The following GPALPP1 variants were observed in gnomAD, a reference collection of about 807,000 sequenced individuals.
The protein encoded by GPALPP1 is GPALPP motifs containing 1, also known as GPALPP motifs-containing protein 1.
In GPALPP1, 30 loss-of-function variants were observed where a neutral mutation model predicts 38.9. That is an observed-to-expected ratio of 0.77 (90% CI 0.58 to 1.05). The LOEUF is 1.05. Ranked by LOEUF, GPALPP1 falls within the 50% of genes least tolerant of loss-of-function variation. GPALPP1 has a pLI of 0.00. For synonymous variants in GPALPP1, 120 were observed against 139.2 expected (o/e 0.86, Z 0.97); for missense variants, 384 against 408.8 (o/e 0.94, Z 0.52).
intron 7 of GPALPP1, 79 bp from the exon 8 acceptor site, chr13:45,027,706 A>G: frequency 1.6e-6 from 1 of 639,942 alleles, no homozygotes; most frequent in Non-Finnish European, 2.6e-6. Context: ...ATTACTATCT[A>G]TTCCGTTTCA....
Position 45,006,262 on chromosome 13 carries a change from C to T in GPALPP1, c.282C>T (p.Ala94=). The stretch of plus-strand genomic sequence containing the variant: ...ATGATGATGGGTTTTTTGGACCAGC[C>T]CTTCCTCCTGGATTTAAAAAGCAGG... ...DDDDDGFFGP[A]LPPGFKKQDD... Residue 94 remains alanine, a synonymous_variant, in exon 3 of 8, where the codon GCC becomes GCT. Coordinates refer to ENST00000379151, the MANE Select transcript of GPALPP1 (RefSeq NM_018559.5). 6.2e-7 allele frequency: 1 copy of T among 1,607,990 alleles called. No homozygotes were observed. Among genetic ancestry groups the T allele is most frequent in the Non-Finnish European group, 8.5e-7 (1 of 1,175,810 alleles).
intron 6 of GPALPP1, among the ~76,000 whole-genome samples, chr13:45,019,048 A>AC (rs1566082051): frequency 4.7e-4 from 7 of 14,940 alleles, no homozygotes; most frequent in Non-Finnish European, 1.5e-3. Flanking sequence ...GAAATATATA[A>AC]ATATAAATAT....
chr13:44,994,394 A>C (rs1379218679), intron 1 of GPALPP1, among the ~76,000 whole-genome samples: 4 of 151,816 alleles, frequency 2.6e-5, no homozygotes, highest in African/African-American at 9.7e-5. Context: ...ACCAGCCTCA[A>C]CGTGGAGAAA....
chr13:45,006,161 T>C (rs2137972740), intron 2 of GPALPP1, 41 bp from the exon 3 acceptor site: 1 of 1,171,636 alleles, frequency 8.5e-7, no homozygotes, highest in South Asian at 1.4e-5. Flanking sequence ...GTGAAAAAAA[T>C]TTTGACATAT....
intron 7 of GPALPP1, among the ~76,000 whole-genome samples, chr13:45,025,029 C>T (rs937935196): frequency 4.0e-5 from 6 of 151,730 alleles, no homozygotes; most frequent in Non-Finnish European, 7.4e-5. Context: ...AGGTTTCATA[C>T]AATGTGTACT....
intron 7 of GPALPP1, among the ~76,000 whole-genome samples, chr13:45,027,063 T>C (rs1875882798): frequency 6.6e-6 from 1 of 152,146 alleles, no homozygotes; most frequent in Admixed American, 6.6e-5. Flanking sequence ...TAGACTCTAC[T>C]CTCTGTAGCA....
rs1388744517 is a variant in GPALPP1 at position 45,029,128 on chromosome 13, G to T, written c.*1125G>T. 2.0e-5 allele frequency: 3 copies of T among 152,076 alleles called. No individual in the cohort carries two copies. Among genetic ancestry groups the T allele is most frequent in the African/African-American group, 7.2e-5 (3 of 41,436 alleles). The allele number at this position is 152,076 out of a possible 1,614,324, so 9.4% of individuals were successfully genotyped here. Reference sequence around the variant, plus strand: ...TGAGGTTGCTTCTTAATATCTTTATGATTTTTAATTGTATTAAACCTATAT... The same window carrying T: ...TGAGGTTGCTTCTTAATATCTTTATTATTTTTAATTGTATTAAACCTATAT... On this transcript the variant is annotated 3_prime_UTR_variant, in exon 8 of 8. Coordinates refer to ENST00000379151, the MANE Select transcript of GPALPP1 (RefSeq NM_018559.5).
chr13:45,013,130 G>A (rs1370421866), intron 4 of GPALPP1, among the ~76,000 whole-genome samples: 1 of 152,204 alleles, frequency 6.6e-6, no homozygotes, highest in Non-Finnish European at 1.5e-5. Flanking sequence ...AAGAGGTCAA[G>A]AGGTAAGATC....
In GPALPP1 at chr13:45,006,220, GGAT is replaced by G. The variant is rs760837403; in HGVS notation, c.246_248del (p.Asp88del). The G allele has an allele frequency of 1.9e-6, 3 of 1,606,730 alleles. No homozygotes were observed. Among genetic ancestry groups the G allele is most frequent in the East Asian group, 4.5e-5 (2 of 44,798 alleles). On this transcript the variant is annotated inframe_deletion, in exon 3 of 8. Coordinates refer to ENST00000379151, the MANE Select transcript of GPALPP1 (RefSeq NM_018559.5). ...TTTTCAGAAAACAGAGGAAAAATCA[GGAT>G]GATGACGATGATGATGATGATGGGT...
downstream of GPALPP1, chr13:45,034,742 A>ATTTTTTTTTTTTTTTTTTTTT (rs11417310): frequency 9.4e-6 from 1 of 106,806 alleles, no homozygotes; most frequent in Non-Finnish European, 2.0e-5. Flanking sequence ...TTTTTTTTTT[A>ATTTTTTTTTTTTTTTTTTTTT]TTTTTTTTTT....
At chr13:45,008,742 A>G (rs1211182604) in intron 3 of GPALPP1, 53 bp from the exon 4 acceptor site, 1 of 935,922 alleles carries the variant, frequency 1.1e-6, no homozygotes, top group Non-Finnish European at 1.7e-6. Context: ...TTTTATTCTT[A>G]TAACTGCTTT....
intron 1 of GPALPP1, among the ~76,000 whole-genome samples, chr13:44,992,563 CTG>C (rs892424103): frequency 2.6e-5 from 4 of 152,092 alleles, no homozygotes; most frequent in Non-Finnish European, 5.9e-5. Context: ...TAAAGCTCTT[CTG>C]TGTTTTCTTC....
chr13:44,995,203 C>CACACACACA (rs10658655), intron 1 of GPALPP1, among the ~76,000 whole-genome samples: 25 of 34,930 alleles, frequency 7.2e-4, no homozygotes, highest in East Asian at 3.7e-3. Flanking sequence ...CACACACACA[C>CACACACACA]CCCTTCTCTT....
chr13:45,006,937 C>T (rs139305240), intron 3 of GPALPP1, among the ~76,000 whole-genome samples: 1 of 151,706 alleles, frequency 6.6e-6, no homozygotes, highest in Admixed American at 6.6e-5. Context: ...AATATAAGAT[C>T]GCACATCAAA....
intron 1 of GPALPP1, among the ~76,000 whole-genome samples, chr13:44,993,112 G>A (rs117599216): frequency 0.016 from 2,396 of 152,208 alleles, 22 homozygotes; most frequent in Non-Finnish European, 0.025. Flanking sequence ...ATTGTAGCAC[G>A]TTAGAATTTC....
rs374387240 is a variant in GPALPP1 at position 45,004,403 on chromosome 13, G to T, written c.187G>T (p.Glu63Ter). The change falls in exon 2 of 8, where the codon GAA (glutamate) becomes TAA (stop). Residue 63 changes from glutamate (E) to a stop codon, truncating the protein, a stop_gained. Coordinates refer to ENST00000379151, the MANE Select transcript of GPALPP1 (RefSeq NM_018559.5). LOFTEE classifies it high-confidence loss of function. Reference protein sequence around the residue: ...SSSLYEEGNQESEEDDSGPTA... With the variant: ...SSSLYEEGNQ ...TTCTTTGTACGAAGAAGGAAATCAA[G>T]AATCTGAAGAAGATGACAGTGGTCC... The T allele has an allele frequency of 5.6e-6, 9 of 1,609,894 alleles. No individual in the cohort carries two copies. Among genetic ancestry groups the T allele is most frequent in the Non-Finnish European group, 7.7e-6 (9 of 1,176,408 alleles).
downstream of GPALPP1, chr13:45,034,399 T>G (rs1876331583): frequency 6.6e-6 from 1 of 152,202 alleles, no homozygotes; most frequent in Non-Finnish European, 1.5e-5. Flanking sequence ...AGTGAAAGAC[T>G]AGAACAAGTA....
downstream of GPALPP1, chr13:45,034,313 G>T (rs1876328564): frequency 6.6e-6 from 1 of 152,150 alleles, no homozygotes; most frequent in South Asian, 2.1e-4. Context: ...ATTCTAGTGG[G>T]AGAGCAGAAA....
chr13:45,035,890 C>T (rs1238796992), exon 8 of GPALPP1: 1 of 152,136 alleles, frequency 6.6e-6, no homozygotes, highest in Non-Finnish European at 1.5e-5. Flanking sequence ...TATGGGCAGA[C>T]AAGGTAGCTC....
Sources: gnomAD v4.1 joint callset for allele counts (sites outside exome capture counted in the v4.1 genomes callset) on GRCh38, gnomAD v4.1.1 for gene constraint, MANE v1.5 for transcripts, NCBI Gene and HGNC (gene_info 2026-07-23, HGNC 2026-07-21) for gene names.